The following LNX2 variants were observed in gnomAD, a reference collection of about 807,000 sequenced individuals.
The protein encoded by LNX2 is ligand of numb-protein X 2, also known as ligand of Numb protein X 2.
Under a neutral mutation model 66.2 loss-of-function variants are expected in LNX2, and 35 were observed. The observed-to-expected ratio is 0.53, with a 90% CI of 0.40 to 0.70. The LOEUF (loss-of-function observed/expected upper bound fraction) is 0.70, where lower values mean the gene tolerates loss of function less well. Ranked by LOEUF, LNX2 falls within the 30% of genes least tolerant of loss-of-function variation. The probability of loss-of-function intolerance (pLI) is 0.00; values close to 1 mark genes in which losing one functional copy is unlikely to be tolerated. For missense variants in LNX2, 791 were observed against 850.8 expected, an observed-to-expected ratio of 0.93 and a Z score of 0.87; for synonymous variants, 337 against 315.6, an observed-to-expected ratio of 1.07 and a Z score of -0.72.
chr13:27,577,498 T>C (rs1955352530), intron 2 of LNX2, among the ~76,000 whole-genome samples: 1 of 152,058 alleles, frequency 6.6e-6, no homozygotes, highest in Non-Finnish European at 1.5e-5. Context: ...AGAAGAATAA[T>C]TGTCTTGGTC....
intron 2 of LNX2, among the ~76,000 whole-genome samples, chr13:27,574,007 G>T (rs1307769247): frequency 1.3e-5 from 2 of 149,760 alleles, no homozygotes; most frequent in Non-Finnish European, 3.0e-5. Flanking sequence ...ACTTACATCA[G>T]CTATTTTAGA....
intron 2 of LNX2, among the ~76,000 whole-genome samples, chr13:27,579,974 T>C (rs1237691930): frequency 5.9e-5 from 9 of 152,294 alleles, no homozygotes. Context: ...CTATCTTACC[T>C]CCTAGTTCTA....
chr13:27,572,861 A>G (rs1255515287), intron 2 of LNX2, among the ~76,000 whole-genome samples: 1 of 152,224 alleles, frequency 6.6e-6, no homozygotes, highest in Non-Finnish European at 1.5e-5. Context: ...ATTTAATGAC[A>G]CTGAAAGAAT....
intron 1 of LNX2, among the ~76,000 whole-genome samples, chr13:27,610,104 C>T (rs995140177): frequency 1.3e-5 from 2 of 152,170 alleles, no homozygotes; most frequent in African/African-American, 4.8e-5. Flanking sequence ...AAATAGCCTT[C>T]GCATAGTGGT....
intron 1 of LNX2, among the ~76,000 whole-genome samples, chr13:27,606,587 C>G (rs956800900): frequency 1.3e-5 from 2 of 152,154 alleles, no homozygotes; most frequent in East Asian, 3.9e-4. Context: ...AGGTACAGAA[C>G]AGTATGAGTT....
At chr13:27,562,926 G>C in intron 4 of LNX2, 145 bp from the exon 5 acceptor site, 2 of 815,056 alleles carry the variant, frequency 2.5e-6, no homozygotes, top group South Asian at 3.6e-5. Context: ...TATTTACAAA[G>C]AAAACCACAT....
Position 27,549,711 on chromosome 13 carries a change from A to T in LNX2, c.1937+622T>A, listed in dbSNP as rs545214112. Among the ~76,000 whole-genome samples, 13 of 152,238 alleles carry T rather than the reference A, an allele frequency of 8.5e-5. 1 individual carries two copies. Among genetic ancestry groups the T allele is most frequent in the Admixed American group, 8.5e-4 (13 of 15,288 alleles). ...TTAGCACCGCGCCAGGCATCCTGTA[A>T]GCTATTGTACATTCATTCATCAAAT... On this transcript the variant is annotated intron_variant, in intron 9 of 9. Coordinates refer to ENST00000316334, the MANE Select transcript of LNX2 (RefSeq NM_153371.4).
chr13:27,614,774 C>A (rs1955809272), intron 1 of LNX2, among the ~76,000 whole-genome samples: 1 of 152,160 alleles, frequency 6.6e-6, no homozygotes, highest in Non-Finnish European at 1.5e-5. Flanking sequence ...GATAAGGGTT[C>A]TCATAAACGA....
intron 1 of LNX2, among the ~76,000 whole-genome samples, chr13:27,595,846 T>G (rs1593259563): frequency 6.6e-6 from 1 of 152,214 alleles, no homozygotes; most frequent in East Asian, 1.9e-4. Flanking sequence ...TGTCACTTGT[T>G]ACTTCATCCT....
chr13:27,577,226 T>C (rs1282907135), intron 2 of LNX2, among the ~76,000 whole-genome samples: 1 of 152,198 alleles, frequency 6.6e-6, no homozygotes, highest in Non-Finnish European at 1.5e-5. Context: ...ATCTTTTCAT[T>C]TCTAAGAGTT....
At chr13:27,588,068 G>C (rs1331053234) in intron 1 of LNX2, among the ~76,000 whole-genome samples, 1 of 139,974 alleles carries the variant, frequency 7.1e-6, no homozygotes, top group African/African-American at 2.6e-5. Context: ...TGTCAAACTT[G>C]TTTGACTTCA....
intron 4 of LNX2, among the ~76,000 whole-genome samples, chr13:27,566,619 A>T (rs1230135931): frequency 1.3e-5 from 2 of 152,052 alleles, no homozygotes; most frequent in Non-Finnish European, 2.9e-5. Flanking sequence ...TTAAGGGAGG[A>T]GAGTTGGGAG....
At chr13:27,594,161 A>G (rs1955573099) in intron 1 of LNX2, among the ~76,000 whole-genome samples, 1 of 152,304 alleles carries the variant, frequency 6.6e-6, no homozygotes, top group African/African-American at 2.4e-5. Context: ...TAAATTTTAT[A>G]GTTGAAAATA....
intron 1 of LNX2, among the ~76,000 whole-genome samples, chr13:27,586,681 G>C (rs1192526733): frequency 6.6e-6 from 1 of 152,210 alleles, no homozygotes; most frequent in African/African-American, 2.4e-5. Flanking sequence ...ATATCTGTGA[G>C]CAGTGTGAAA....
chr13:27,612,601 AATT>A (rs1439004271), intron 1 of LNX2, among the ~76,000 whole-genome samples: 1 of 152,204 alleles, frequency 6.6e-6, no homozygotes, highest in African/African-American at 2.4e-5. Flanking sequence ...CAAGTGAATG[AATT>A]ATTATCATTT....
chr13:27,612,112 A>C (rs1186840058), intron 1 of LNX2, among the ~76,000 whole-genome samples: 1 of 152,256 alleles, frequency 6.6e-6, no homozygotes, highest in Non-Finnish European at 1.5e-5. Context: ...ATCACAGCAG[A>C]TCATCTCATT....
rs935845430 is a variant in LNX2 at position 27,548,002 on chromosome 13, A to C, written c.*333T>G. On this transcript the variant is annotated 3_prime_UTR_variant, in exon 10 of 10. Transcript: ENST00000316334. ...AACTCGTTCTATGATTCAGTTACTG[A>C]AAACAAAGACCCACCAGAAGGTCTT... 6.9e-5 allele frequency: 18 copies of C among 260,890 alleles called. No homozygotes were observed. The highest frequency in any genetic ancestry group is 1.3e-4 in the South Asian group (2 of 15,354). The allele number at this position is 260,890 out of a possible 1,614,324, so 16.2% of individuals were successfully genotyped here.
chr13:27,553,206 A>C lies in LNX2; in HGVS notation c.1778+2T>G, dbSNP rs1593237573. 1 of 1,613,488 alleles carries C rather than the reference A, an allele frequency of 6.2e-7. No homozygotes were observed. The highest frequency in any genetic ancestry group is 8.5e-7 in the Non-Finnish European group (1 of 1,179,468). On this transcript the variant is annotated splice_donor_variant, in intron 8 of 9. Transcript: ENST00000316334. LOFTEE classifies it high-confidence loss of function. Reference sequence around the variant, plus strand: ...ATAAAGCAACAAGAAAGCGCTCAGTACCTGGGAAGCCCAAGCCACATGACC... The same window carrying C: ...ATAAAGCAACAAGAAAGCGCTCAGTCCCTGGGAAGCCCAAGCCACATGACC...
chr13:27,560,056 T>C, intron 5 of LNX2, 71 bp from the exon 6 acceptor site: 2 of 1,336,466 alleles, frequency 1.5e-6, no homozygotes, highest in Non-Finnish European at 2.0e-6. Flanking sequence ...ACACACAGTG[T>C]AATTTTCAAT....
Sources: gnomAD v4.1 joint callset for allele counts (sites outside exome capture counted in the v4.1 genomes callset) on GRCh38, gnomAD v4.1.1 for gene constraint, MANE v1.5 for transcripts, NCBI Gene and HGNC (gene_info 2026-07-23, HGNC 2026-07-21) for gene names.